Variants in ANO10 observed in about 807,000 individuals in gnomAD.
ANO10 encodes anoctamin-10.
Under a neutral mutation model 74.7 loss-of-function variants are expected in ANO10, and 77 were observed. That is an observed-to-expected ratio of 1.03 (90% CI 0.86 to 1.25). The LOEUF is 1.25. Among genes scored for constraint, ANO10 ranks in the 50% most tolerant of loss-of-function variants. ANO10 has a pLI of 0.00. For synonymous variants in ANO10, 279 were observed against 284.9 expected (o/e 0.98, Z 0.21); for missense variants, 721 against 778.1 (o/e 0.93, Z 0.87).
At chr3:43,382,148 T>C (rs972121939) in intron 12 of ANO10, among the ~76,000 whole-genome samples, 5 of 152,136 alleles carry the variant, frequency 3.3e-5, no homozygotes, top group African/African-American at 4.8e-5. Context: ...AGAGCACAAA[T>C]AGACAATCTA....
At chr3:43,658,854 T>TCTC (rs760409882) in intron 1 of ANO10, among the ~76,000 whole-genome samples, 3 of 152,146 alleles carry the variant, frequency 2.0e-5, no homozygotes, top group Admixed American at 1.3e-4. Context: ...AGTAGTTAAC[T>TCTC]TTAGAGAGGT....
intron 1 of ANO10, among the ~76,000 whole-genome samples, chr3:43,657,166 C>G (rs551180137): frequency 1.3e-5 from 2 of 152,322 alleles, no homozygotes; most frequent in South Asian, 2.1e-4. Context: ...CCAAGGAGCT[C>G]TAAGAAGCTT....
At chr3:43,443,348 G>A (rs1186429118) in intron 11 of ANO10, among the ~76,000 whole-genome samples, 1 of 152,204 alleles carries the variant, frequency 6.6e-6, no homozygotes, top group Non-Finnish European at 1.5e-5. Flanking sequence ...TATGGATTCA[G>A]TTAATGAGAA....
At chr3:43,590,959 A>T (rs369296814) in intron 4 of ANO10, among the ~76,000 whole-genome samples, 18 of 152,252 alleles carry the variant, frequency 1.2e-4, no homozygotes, top group East Asian at 9.6e-4. Context: ...CTAAAATACC[A>T]ATTAGGCTAA....
chr3:43,678,896 T>C (rs2084157945), intron 1 of ANO10, among the ~76,000 whole-genome samples: 1 of 152,258 alleles, frequency 6.6e-6, no homozygotes, highest in Admixed American at 6.5e-5. Context: ...TCAGATTTTC[T>C]ATTTCATCTT....
At chr3:43,688,502 TA>T (rs2084304063) in intron 1 of ANO10, among the ~76,000 whole-genome samples, 1 of 152,230 alleles carries the variant, frequency 6.6e-6, no homozygotes, top group African/African-American at 2.4e-5. Context: ...CTACTTTATC[TA>T]TTGTTCCTTG....
chr3:43,404,479 G>A lies in ANO10; in HGVS notation c.1914+28132C>T, dbSNP rs562232393. 3.9e-5 allele frequency among the ~76,000 whole-genome samples: 6 copies of A among 152,268 alleles called. No homozygotes were observed. The South Asian group carries it at 1.0e-3, about 26-fold the overall frequency. On this transcript the variant is annotated intron_variant, in intron 12 of 12. Transcript: ENST00000292246. ...CAGCCTACTAAGACCCTGAGCAGGGGACCCAGTTAAGCTGTGTTGGAACTC... is the reference window on the plus strand; with the variant it reads ...CAGCCTACTAAGACCCTGAGCAGGGAACCCAGTTAAGCTGTGTTGGAACTC...
At chr3:43,679,302 A>T (rs1300546329) in intron 1 of ANO10, among the ~76,000 whole-genome samples, 5 of 152,082 alleles carry the variant, frequency 3.3e-5, no homozygotes, top group African/African-American at 1.2e-4. Flanking sequence ...TATCCCGTGC[A>T]TGGCTCGGAG....
chr3:43,671,371 A>G (rs1000031694), intron 1 of ANO10, among the ~76,000 whole-genome samples: 2 of 152,150 alleles, frequency 1.3e-5, no homozygotes, highest in Non-Finnish European at 2.9e-5. Context: ...AAATATTACC[A>G]ACTGCCGCCG....
intron 11 of ANO10, among the ~76,000 whole-genome samples, chr3:43,504,509 G>A (rs1440360631): frequency 2.0e-5 from 3 of 152,198 alleles, no homozygotes; most frequent in Admixed American, 6.5e-5. Flanking sequence ...GATTGCAACT[G>A]TAGCTATCTA....
At chr3:43,685,135 G>C (rs539793639) in intron 1 of ANO10, among the ~76,000 whole-genome samples, 2 of 152,274 alleles carry the variant, frequency 1.3e-5, no homozygotes, top group Admixed American at 6.5e-5. Context: ...AAATTTATTG[G>C]CATAAAGCCA....
intron 11 of ANO10, among the ~76,000 whole-genome samples, chr3:43,504,886 C>A (rs2149161905): frequency 1.3e-5 from 2 of 152,270 alleles, no homozygotes; most frequent in East Asian, 3.9e-4. Flanking sequence ...GTAATCCTCC[C>A]ACCTCTGCCT....
intron 1 of ANO10, among the ~76,000 whole-genome samples, chr3:43,651,841 G>A (rs1384158678): frequency 1.3e-5 from 2 of 152,014 alleles, no homozygotes; most frequent in African/African-American, 2.4e-5. Flanking sequence ...TTTAATATCC[G>A]ATTCAAATAA....
intron 11 of ANO10, among the ~76,000 whole-genome samples, chr3:43,442,608 G>A (rs1351153132): frequency 1.3e-5 from 2 of 152,072 alleles, no homozygotes; most frequent in East Asian, 3.8e-4. Context: ...TTGTTAAAAC[G>A]TGTATATCAC....
intron 1 of ANO10, among the ~76,000 whole-genome samples, chr3:43,627,847 C>T (rs1276390327): frequency 6.6e-6 from 1 of 151,888 alleles, no homozygotes; most frequent in Non-Finnish European, 1.5e-5. Context: ...TAATATTATA[C>T]TCAGAATAAA....
At chr3:43,457,796 G>T (rs988235692) in intron 11 of ANO10, among the ~76,000 whole-genome samples, 4 of 152,152 alleles carry the variant, frequency 2.6e-5, no homozygotes, top group African/African-American at 4.8e-5. Context: ...TCAGTACCAG[G>T]TGGAAATCAA....
intron 1 of ANO10, among the ~76,000 whole-genome samples, chr3:43,666,725 G>A (rs758868893): frequency 6.6e-6 from 1 of 151,998 alleles, no homozygotes; most frequent in Non-Finnish European, 1.5e-5. Context: ...CTAAGATCAG[G>A]GTGCCAGCAG....
intron 12 of ANO10, among the ~76,000 whole-genome samples, chr3:43,426,443 C>T (rs1376645170): frequency 6.6e-6 from 1 of 152,148 alleles, no homozygotes; most frequent in Non-Finnish European, 1.5e-5. Context: ...AATTTGAGGC[C>T]CCTGAGAGCT....
In ANO10 at chr3:43,366,661, G is replaced by A; in HGVS notation, c.*245C>T. The A allele has an allele frequency of 1.7e-6, 1 of 580,108 alleles. No homozygotes were observed. Among genetic ancestry groups the A allele is most frequent in the South Asian group, 2.0e-5 (1 of 50,996 alleles). 35.9% of individuals were successfully genotyped at this position (580,108 alleles called of 1,614,324 possible). ...GCAAAGTTGGCAGCTGGAGCAGCGT[G>A]TGGGGCCCGGGAAGGAACTGGGAAG... is the stretch of plus-strand genomic sequence containing the variant. On this transcript the variant is annotated 3_prime_UTR_variant, in exon 13 of 13. Transcript: ENST00000292246.
Sources: gnomAD v4.1 joint callset for allele counts (sites outside exome capture counted in the v4.1 genomes callset) on GRCh38, gnomAD v4.1.1 for gene constraint, MANE v1.5 for transcripts, NCBI Gene and HGNC (gene_info 2026-07-23, HGNC 2026-07-21) for gene names.